The following MYO1H variants were observed in gnomAD, a reference collection of about 807,000 sequenced individuals.
MYO1H encodes the protein unconventional myosin-Ih.
A neutral mutation model predicts 149.3 loss-of-function variants in MYO1H; 118 were observed. The observed-to-expected ratio is 0.79, with a 90% CI of 0.68 to 0.92. MYO1H has a LOEUF of 0.92. Ranked by LOEUF, MYO1H falls within the 40% of genes least tolerant of loss-of-function variation. The pLI is 0.00. For missense variants in MYO1H, 1,212 were observed against 1,280.7 expected (o/e 0.95, Z 0.82); for synonymous variants, 447 against 465.2 (o/e 0.96, Z 0.50).
At chr12:109,330,461 T>C in the MYO1H span, among the ~76,000 whole-genome samples, 2 of 152,198 alleles carry the variant, frequency 1.3e-5, no homozygotes, top group South Asian at 2.1e-4. Flanking sequence ...AGGTTACTCC[T>C]GTGCTTTGGA....
At chr12:109,363,234 A>C (rs1257568001) in intron 1 of MYO1H, among the ~76,000 whole-genome samples, 1 of 152,176 alleles carries the variant, frequency 6.6e-6, no homozygotes, top group Non-Finnish European at 1.5e-5. Flanking sequence ...TCTTTCCTAG[A>C]TGTTGTGAGT....
At chr12:109,439,975 T>C (rs889416172) in intron 24 of MYO1H, among the ~76,000 whole-genome samples, 185 bp downstream of exon 24, 1 of 151,962 alleles carries the variant, frequency 6.6e-6, no homozygotes, top group African/African-American at 2.4e-5. Flanking sequence ...AGTAGCATTA[T>C]AAAGCCACTG....
intron 27 of MYO1H, among the ~76,000 whole-genome samples, chr12:109,443,249 T>TGTATGTGTAC (rs1872300121): frequency 6.6e-6 from 1 of 150,532 alleles, no homozygotes; most frequent in African/African-American, 2.5e-5. Flanking sequence ...TATATGTGTG[T>TGTATGTGTAC]GTATATGTGT....
chr12:109,392,324 C>CT (rs1306637835), intron 2 of MYO1H, among the ~76,000 whole-genome samples: 1 of 152,238 alleles, frequency 6.6e-6, no homozygotes, highest in East Asian at 1.9e-4. Context: ...TCTCATGCCC[C>CT]TAGCCTGCCT....
At chr12:109,369,636 A>C (rs1868941059) in intron 1 of MYO1H, among the ~76,000 whole-genome samples, 1 of 152,348 alleles carries the variant, frequency 6.6e-6, no homozygotes. Flanking sequence ...CATGGGAACC[A>C]AGAAGTTACC....
At chr12:109,384,088 C>G (rs973446270) in intron 1 of MYO1H, among the ~76,000 whole-genome samples, 2 of 152,168 alleles carry the variant, frequency 1.3e-5, no homozygotes, top group Non-Finnish European at 2.9e-5. Context: ...CTTAAATAAT[C>G]GGAAGTTCTG....
At chr12:109,314,889 C>G in the MYO1H span, among the ~76,000 whole-genome samples, 1 of 152,100 alleles carries the variant, frequency 6.6e-6, no homozygotes, top group Non-Finnish European at 1.5e-5. Context: ...CACTTGAGCC[C>G]AGGAATTCGA....
At chr12:109,313,841 T>C in the MYO1H span, among the ~76,000 whole-genome samples, 1 of 152,174 alleles carries the variant, frequency 6.6e-6, no homozygotes, top group Non-Finnish European at 1.5e-5. Flanking sequence ...TTTTAGTCAA[T>C]ATGTCCAGGC....
the MYO1H span, among the ~76,000 whole-genome samples, chr12:109,327,128 C>CTTTTT: frequency 9.6e-6 from 1 of 103,690 alleles, no homozygotes; most frequent in African/African-American, 4.2e-5. Context: ...TTTTCTTTTT[C>CTTTTT]TTTTTCTTTT....
chr12:109,396,459 G>T, exon 4 of MYO1H: 1 of 1,614,030 alleles, frequency 6.2e-7, no homozygotes, highest in Non-Finnish European at 8.5e-7. Context: ...TTTCTGGAGA[G>T]AGTGGGGCAG....
intron 7 of MYO1H, 119 bp from the exon 8 acceptor site, chr12:109,405,803 A>C: frequency 1.1e-5 from 8 of 705,368 alleles, no homozygotes; most frequent in Middle Eastern, 2.4e-4. Flanking sequence ...CAGGTGTGGA[A>C]TTGGGACGGG....
intron 1 of MYO1H, among the ~76,000 whole-genome samples, chr12:109,358,026 C>A (rs1405844333): frequency 6.6e-6 from 1 of 151,906 alleles, no homozygotes; most frequent in African/African-American, 2.4e-5. Context: ...CAAAACTGTT[C>A]TTGCTTTTTG....
intron 5 of MYO1H, 21 bp downstream of exon 5, chr12:109,397,833 C>T: frequency 6.3e-7 from 1 of 1,579,638 alleles, no homozygotes; most frequent in Non-Finnish European, 8.6e-7. Flanking sequence ...GCTCCTATTA[C>T]TGGTTCATGG....
intron 18 of MYO1H, among the ~76,000 whole-genome samples, chr12:109,426,901 C>T (rs1208984864): frequency 6.6e-6 from 1 of 152,136 alleles, no homozygotes; most frequent in Non-Finnish European, 1.5e-5. Flanking sequence ...GGGGCAACAG[C>T]GCTACTCCTC....
the MYO1H span, among the ~76,000 whole-genome samples, chr12:109,342,144 A>G: frequency 1.5e-4 from 5 of 34,454 alleles, no homozygotes; most frequent in Non-Finnish European, 2.1e-4. Flanking sequence ...TTTTTTTTTG[A>G]GACAGAGTCT....
intron 1 of MYO1H, among the ~76,000 whole-genome samples, chr12:109,386,045 A>G (rs75488681): frequency 0.041 from 6,236 of 152,210 alleles, 156 homozygotes; most frequent in African/African-American, 0.058. Context: ...CTAGGCAACA[A>G]TTGTTCTGAT....
At chr12:109,439,487 T>TG in intron 23 of MYO1H, 144 bp from the exon 24 acceptor site, 1 of 270,466 alleles carries the variant, frequency 3.7e-6, no homozygotes, top group Non-Finnish European at 6.5e-6. Flanking sequence ...AACATATATG[T>TG]GGGGCAGATT....
At position 109,446,921 on chromosome 12, in the gene MYO1H, C is replaced by CT; in HGVS notation, c.3094-237dup. On this transcript the variant is annotated intron_variant, in intron 31 of 31. Coordinates refer to ENST00000310903, the Ensembl canonical transcript of MYO1H. ...AAAAGTGACACCCCAGAGACTGTGT[C>CT]TCTCTCCTCTGGAGTCACACGGAGT... is the stretch of plus-strand genomic sequence containing the variant. 8 of 593,544 alleles carry CT rather than the reference C, an allele frequency of 1.3e-5. No homozygotes were observed. The South Asian group carries it at 1.6e-4, about 12-fold the overall frequency. The allele number at this position is 593,544 out of a possible 1,614,324, so 36.8% of individuals were successfully genotyped here. A position where few individuals can be genotyped will look rare whatever the true frequency, so the allele number is the denominator to read the frequency against.
chr12:109,360,500 CAAG>C lies in MYO1H; in HGVS notation c.12+12531_12+12533del, dbSNP rs748054401. ...CACTAATAATATTGAGGACTGAAGA[CAAG>C]AATAGCTGTTGTTTTCTGATGACTG... On this transcript the variant is annotated intron_variant, in intron 1 of 31. Transcript: ENST00000310903. Among the ~76,000 whole-genome samples the C allele has an allele frequency of 1.1e-3, 163 of 152,270 alleles. 1 individual carries two copies. The highest frequency in any genetic ancestry group is 1.9e-3 in the Non-Finnish European group (131 of 68,022).
Sources: gnomAD v4.1 joint callset for allele counts (sites outside exome capture counted in the v4.1 genomes callset) on GRCh38, gnomAD v4.1.1 for gene constraint, MANE v1.5 for transcripts, NCBI Gene and HGNC (gene_info 2026-07-23, HGNC 2026-07-21) for gene names.